Variants in RIN2 observed in about 807,000 individuals in gnomAD.
RIN2 encodes the protein Ras and Rab interactor 2, also known as RAB5 interacting protein 2.
Under a neutral mutation model 78.0 loss-of-function variants are expected in RIN2, and 36 were observed. That is an observed-to-expected ratio of 0.46 (90% CI 0.35 to 0.61). The LOEUF (loss-of-function observed/expected upper bound fraction) is 0.61, where lower values mean the gene tolerates loss of function less well. RIN2 is among the 20% of genes least tolerant of loss of function. The pLI is 0.00. For missense variants in RIN2, 1,087 were observed against 1,159.7 expected, an observed-to-expected ratio of 0.94 and a Z score of 0.91; for synonymous variants, 466 against 466.8, an observed-to-expected ratio of 1.00 and a Z score of 0.02.
At chr20:19,873,985 C>T (rs1482334317) in intron 2 of RIN2, among the ~76,000 whole-genome samples, 1 of 152,066 alleles carries the variant, frequency 6.6e-6, no homozygotes, top group Non-Finnish European at 1.5e-5. Context: ...TGAAGCTCTA[C>T]CTTCTTGTTT....
rs2035090898 is a variant in RIN2 at position 19,797,391 on chromosome 20, AT to A, written c.-162-2228del. ...TCATTTACATTCTTGTTCTTATATAATTTACAATTGTGCTTGGTTTTATAAC... is the reference window on the plus strand; with the variant it reads ...TCATTTACATTCTTGTTCTTATATAATTACAATTGTGCTTGGTTTTATAAC... On this transcript the variant is annotated intron_variant, in intron 1 of 12. Coordinates refer to ENST00000255006, the MANE Select transcript of RIN2 (RefSeq NM_018993.4). Among the ~76,000 whole-genome samples the A allele has an allele frequency of 1.3e-5, 2 of 152,184 alleles. 1 individual carries two copies. The highest frequency in any genetic ancestry group is 2.9e-5 in the Non-Finnish European group (2 of 68,032).
At chr20:19,871,446 C>T (rs1026227697) in intron 2 of RIN2, among the ~76,000 whole-genome samples, 15 of 152,244 alleles carry the variant, frequency 9.9e-5, no homozygotes, top group African/African-American at 3.6e-4. Context: ...ATATATCGTG[C>T]ACCTCAGAGA....
rs532248156 is a variant in RIN2, at chr20:19,903,025, G to A, written c.57+13367G>A. ...GGAGAATGGCATGAACTCAGGAGGCGGAGCGTGCCGTGAGCCGAGATTGTG... is the reference window on the plus strand; with the variant it reads ...GGAGAATGGCATGAACTCAGGAGGCAGAGCGTGCCGTGAGCCGAGATTGTG... On this transcript the variant is annotated intron_variant, in intron 3 of 12. Transcript: ENST00000255006. Among the ~76,000 whole-genome samples the A allele has an allele frequency of 7.2e-5, 11 of 152,184 alleles. No individual in the cohort carries two copies. In the South Asian group the frequency reaches 1.5e-3, roughly 20 times the overall value.
chr20:19,838,918 G>T (rs1168359854), intron 2 of RIN2, among the ~76,000 whole-genome samples: 1 of 152,104 alleles, frequency 6.6e-6, no homozygotes, highest in African/African-American at 2.4e-5. Flanking sequence ...CCTCCACCCA[G>T]TGGCCTGACA....
At chr20:19,910,258 C>A (rs945846930) in intron 3 of RIN2, among the ~76,000 whole-genome samples, 1 of 148,628 alleles carries the variant, frequency 6.7e-6, no homozygotes, top group Admixed American at 6.7e-5. Flanking sequence ...CTCACTGCAA[C>A]CTCTGCCTCC....
At chr20:19,995,116 T>C (rs925296146) in intron 11 of RIN2, among the ~76,000 whole-genome samples, 2 of 152,118 alleles carry the variant, frequency 1.3e-5, no homozygotes, top group Admixed American at 6.6e-5. Flanking sequence ...TTGCCACTTA[T>C]TGACCAGAGA....
At chr20:19,817,889 T>C (rs555983005) in intron 2 of RIN2, among the ~76,000 whole-genome samples, 1 of 152,356 alleles carries the variant, frequency 6.6e-6, no homozygotes, top group Admixed American at 6.5e-5. Context: ...TCATCATTCA[T>C]CATTCAATAT....
At chr20:19,782,670 A>G (rs1348868635) in intron 1 of RIN2, among the ~76,000 whole-genome samples, 1 of 152,146 alleles carries the variant, frequency 6.6e-6, no homozygotes, top group Non-Finnish European at 1.5e-5. Context: ...GCCTGATTCT[A>G]CCTGTAAATG....
chr20:19,850,225 C>T (rs2036916694), intron 2 of RIN2, among the ~76,000 whole-genome samples: 3 of 152,124 alleles, frequency 2.0e-5, no homozygotes, highest in East Asian at 1.9e-4. Context: ...GCTGTCTTGC[C>T]GTTTTTAACC....
At chr20:19,843,521 T>C (rs1021060488) in intron 2 of RIN2, among the ~76,000 whole-genome samples, 9 of 152,234 alleles carry the variant, frequency 5.9e-5, no homozygotes, top group Non-Finnish European at 7.3e-5. Flanking sequence ...CGTTAGTATT[T>C]TTCGGAGATA....
chr20:19,788,450 C>CAAAAAAAAAAAAAAA (rs908072671), intron 1 of RIN2, among the ~76,000 whole-genome samples: 1 of 103,520 alleles, frequency 9.7e-6, no homozygotes, highest in African/African-American at 5.9e-5. Context: ...AAAAAAAAAA[C>CAAAAAAAAAAAAAAA]AACTAGCTAG....
intron 3 of RIN2, among the ~76,000 whole-genome samples, chr20:19,920,972 C>G (rs575451773): frequency 3.4e-5 from 5 of 149,080 alleles, no homozygotes; most frequent in South Asian, 2.2e-4. Context: ...CATGCCCAGC[C>G]GAAACAGTTT....
At chr20:19,769,477 C>T (rs1293234800) in intron 1 of RIN2, among the ~76,000 whole-genome samples, 1 of 152,230 alleles carries the variant, frequency 6.6e-6, no homozygotes, top group African/African-American at 2.4e-5. Flanking sequence ...CACCTCCATC[C>T]GTTCTGTGCC....
At chr20:19,896,488 G>A (rs2038733112) in intron 3 of RIN2, among the ~76,000 whole-genome samples, 1 of 152,206 alleles carries the variant, frequency 6.6e-6, no homozygotes. Context: ...AGAGATGAAT[G>A]TTGCCCCCTT....
intron 3 of RIN2, among the ~76,000 whole-genome samples, chr20:19,928,467 A>G (rs2040314856): frequency 6.6e-6 from 1 of 152,220 alleles, no homozygotes; most frequent in Non-Finnish European, 1.5e-5. Flanking sequence ...TGCTGCCTGA[A>G]GAATGGCCCC....
chr20:19,771,474 A>G (rs919466527), intron 1 of RIN2, among the ~76,000 whole-genome samples: 5 of 151,736 alleles, frequency 3.3e-5, no homozygotes, highest in Non-Finnish European at 7.4e-5. Flanking sequence ...CTCAACCCCA[A>G]CCCCTGCTGA....
chr20:19,859,479 C>G (rs1290514527), intron 2 of RIN2, among the ~76,000 whole-genome samples: 2 of 152,190 alleles, frequency 1.3e-5, no homozygotes, highest in Non-Finnish European at 2.9e-5. Context: ...TTGGCTCTTC[C>G]TTCTGGTTGC....
At chr20:19,967,552 A>G (rs1176468378) in intron 7 of RIN2, among the ~76,000 whole-genome samples, 6 of 152,250 alleles carry the variant, frequency 3.9e-5, no homozygotes, top group Admixed American at 3.3e-4. Context: ...TCACGAATCA[A>G]TAAACATAGG....
intron 3 of RIN2, among the ~76,000 whole-genome samples, chr20:19,917,075 C>T (rs575418461): frequency 6.6e-6 from 1 of 151,812 alleles, no homozygotes; most frequent in African/African-American, 2.4e-5. Context: ...TGAAGTCAGC[C>T]CCTGCTGTGT....
Sources: gnomAD v4.1 joint callset for allele counts (sites outside exome capture counted in the v4.1 genomes callset) on GRCh38, gnomAD v4.1.1 for gene constraint, MANE v1.5 for transcripts, NCBI Gene and HGNC (gene_info 2026-07-23, HGNC 2026-07-21) for gene names.